KANK4: variants seen among roughly 807,000 people sequenced by gnomAD.
KANK4 encodes KN motif and ankyrin repeat domains 4, also known as KN motif and ankyrin repeat domain-containing protein 4.
A neutral mutation model predicts 80.8 loss-of-function variants in KANK4; 50 were observed. The observed-to-expected ratio is 0.62, with a 90% CI of 0.49 to 0.78. KANK4 has a LOEUF of 0.78. KANK4 is among the 30% of genes least tolerant of loss of function. The pLI is 0.00. For missense variants in KANK4, 1,196 were observed against 1,240.1 expected (o/e 0.96, Z 0.53); for synonymous variants, 465 against 506.9 (o/e 0.92, Z 1.11).
At chr1:62,285,606 T>G (rs1349299045) in intron 1 of KANK4, among the ~76,000 whole-genome samples, 1 of 152,124 alleles carries the variant, frequency 6.6e-6, no homozygotes, top group Non-Finnish European at 1.5e-5. Flanking sequence ...CATGCCAAAA[T>G]AAATAGCACC....
At chr1:62,240,677 A>T (rs1557463445) in intron 9 of KANK4, among the ~76,000 whole-genome samples, 1 of 152,136 alleles carries the variant, frequency 6.6e-6, no homozygotes, top group East Asian at 1.9e-4. Context: ...CTCAAAAAAT[A>T]AATTAATTAA....
chr1:62,237,972 G>T lies in KANK4; in HGVS notation c.*305C>A. The T allele has an allele frequency of 3.4e-6, 1 of 295,528 alleles. No individual in the cohort carries two copies. Among genetic ancestry groups the T allele is most frequent in the Non-Finnish European group, 6.4e-6 (1 of 156,686 alleles). The allele number at this position is 295,528 out of a possible 1,614,324, so 18.3% of individuals were successfully genotyped here. A position where few individuals can be genotyped will look rare whatever the true frequency, so the allele number is the denominator to read the frequency against. ...CCTGCTTGCTACACAATGTTACAGA[G>T]GGTAGAGTCATGAGGAATTCAAGGC... On this transcript the variant is annotated 3_prime_UTR_variant, in exon 10 of 10. Transcript: ENST00000371153.
rs750855213 is a variant in KANK4, at chr1:62,274,811, T to A, written c.293A>T (p.Glu98Val). 4.0e-5 allele frequency: 64 copies of A among 1,613,778 alleles called. No homozygotes were observed. The highest frequency in any genetic ancestry group is 5.1e-5 in the Non-Finnish European group (60 of 1,179,966). Residue 98 changes from glutamate (E) to valine (V), a missense_variant, in exon 3 of 10, where the codon GAG becomes GTG. Coordinates refer to ENST00000371153, the MANE Select transcript of KANK4 (RefSeq NM_181712.5). ...TTGCTCCTGTGTCCCAAGTGATGCC[T>A]CCCTTGGCACCACGGGAGACCAGTT... The part of the protein sequence containing the change: ...LQNWSPVVPR[E>V]ASLGTQEQNQ...
chr1:62,250,519 C>A (rs997784688), intron 8 of KANK4, among the ~76,000 whole-genome samples: 2 of 152,180 alleles, frequency 1.3e-5, no homozygotes, highest in African/African-American at 4.8e-5. Context: ...TAACCTGGTA[C>A]CTCTGCTCTC....
intron 9 of KANK4, among the ~76,000 whole-genome samples, chr1:62,246,343 C>T (rs1383685335): frequency 6.6e-6 from 1 of 152,166 alleles, no homozygotes; most frequent in Non-Finnish European, 1.5e-5. Flanking sequence ...GAGGCACTTT[C>T]AGTTAAGTGA....
rs555716356 is a variant in KANK4 at position 62,305,170 on chromosome 1, C to G, written c.-71+13936G>C. On this transcript the variant is annotated intron_variant, in intron 1 of 9. Coordinates refer to ENST00000371153, the MANE Select transcript of KANK4 (RefSeq NM_181712.5). ...ACCTCCATCTCCCCAAGAGCCAGCA[C>G]AGGCCAAAGCCTTCCTATCAGAGAA... 7.9e-5 allele frequency among the ~76,000 whole-genome samples: 12 copies of G among 152,348 alleles called. No homozygotes were observed. The South Asian group carries it at 2.5e-3, about 32-fold the overall frequency.
chr1:62,236,718 C>G lies in KANK4; in HGVS notation c.*1559G>C, dbSNP rs1671209710. 6.6e-6 allele frequency among the ~76,000 whole-genome samples: 1 copy of G among 151,706 alleles called. No homozygotes were observed. The highest frequency in any genetic ancestry group is 1.5e-5 in the Non-Finnish European group (1 of 67,962). On this transcript the variant is annotated 3_prime_UTR_variant, in exon 10 of 10. Coordinates refer to ENST00000371153, the MANE Select transcript of KANK4 (RefSeq NM_181712.5). ...CAAGTGAGTCTCCTGCCTCAGCCTC[C>G]CAAGTAGCTGGAATTACAGGCGCCT...
At chr1:62,243,894 T>C (rs1202009248) in intron 9 of KANK4, among the ~76,000 whole-genome samples, 1 of 152,192 alleles carries the variant, frequency 6.6e-6, no homozygotes, top group Non-Finnish European at 1.5e-5. Context: ...TCAAGACCTT[T>C]GTTCTCCCTG....
At position 62,262,742 on chromosome 1, in the gene KANK4, C is replaced by T. The variant is rs556466082; in HGVS notation, c.2539+350G>A. 5.3e-5 allele frequency among the ~76,000 whole-genome samples: 8 copies of T among 152,240 alleles called. No individual in the cohort carries two copies. The East Asian group carries it at 1.5e-3, about 29-fold the overall frequency. ...TTGGATGGAACTGGAGGCCATTATT[C>T]TAAGTGAAGTAACTCAAGAACGGAA... On this transcript the variant is annotated intron_variant, in intron 7 of 9. Coordinates refer to ENST00000371153, the MANE Select transcript of KANK4 (RefSeq NM_181712.5).
chr1:62,264,515 T>C (rs926828722), intron 6 of KANK4, among the ~76,000 whole-genome samples: 1 of 152,198 alleles, frequency 6.6e-6, no homozygotes, highest in South Asian at 2.1e-4. Context: ...TGTTATAAAA[T>C]AGGAGTAAAA....
intron 6 of KANK4, 134 bp from the exon 7 acceptor site, chr1:62,263,445 G>T (rs928987747): frequency 1.4e-6 from 1 of 724,696 alleles, no homozygotes. Flanking sequence ...TTCCTGAAGG[G>T]CTCAGAGCTG....
chr1:62,239,643 C>G (rs1023238066), intron 9 of KANK4, among the ~76,000 whole-genome samples: 1 of 151,876 alleles, frequency 6.6e-6, no homozygotes, highest in African/African-American at 2.4e-5. Flanking sequence ...TAGGTATATC[C>G]CCTAATGCTA....
chr1:62,238,444 A>G, intron 9 of KANK4, 63 bp from the exon 10 acceptor site: 1 of 1,463,564 alleles, frequency 6.8e-7, no homozygotes, highest in Non-Finnish European at 9.5e-7. Context: ...CTGGGGGAGA[A>G]GGGCAAGTTG....
chr1:62,276,603 C>T (rs1672320380), intron 2 of KANK4, among the ~76,000 whole-genome samples: 1 of 152,104 alleles, frequency 6.6e-6, no homozygotes, highest in East Asian at 1.9e-4. Context: ...CGGTGAAACC[C>T]CATCTCTACT....
intron 1 of KANK4, among the ~76,000 whole-genome samples, chr1:62,296,198 C>T (rs1644362086): frequency 6.6e-6 from 1 of 152,234 alleles, no homozygotes; most frequent in Non-Finnish European, 1.5e-5. Context: ...TAAATTTTTT[C>T]TTTCCCATCT....
In KANK4 at chr1:62,274,180, G is replaced by C; in HGVS notation, c.924C>G (p.Ser308Arg). The C allele has an allele frequency of 6.2e-7, 1 of 1,614,142 alleles. No homozygotes were observed. The highest frequency in any genetic ancestry group is 8.5e-7 in the Non-Finnish European group (1 of 1,180,028). The stretch of plus-strand genomic sequence containing the variant: ...CTACAGGTGGCGGGGGTGGAATCTC[G>C]CTGATGTTGAGCTCGATTTCTTCCA... ...LLLEEIELNI[S>R]EIPPPPPVEV... Residue 308 changes from serine (S) to arginine (R), a missense_variant, in exon 3 of 10, where the codon AGC (serine) becomes AGG (arginine). Ser to Arg is a moderately radical substitution (Grantham distance 110). Around this residue, in one of 3 missense-constraint regions of KANK4, gnomAD observed 1,154 missense variants for 1,179.6 expected, o/e 0.98. Coordinates refer to ENST00000371153, the MANE Select transcript of KANK4 (RefSeq NM_181712.5).
intron 1 of KANK4, chr1:62,298,387 T>C (rs1048597225): frequency 2.0e-5 from 3 of 152,236 alleles, no homozygotes; most frequent in Non-Finnish European, 4.4e-5. Context: ...AACTGTAGTA[T>C]GCCTATAAAC....
intron 7 of KANK4, among the ~76,000 whole-genome samples, chr1:62,261,152 C>CTTT (rs11322195): frequency 6.3e-4 from 43 of 68,366 alleles, no homozygotes; most frequent in African/African-American, 1.4e-3. Flanking sequence ...CTCCCAATGG[C>CTTT]TTTTTTTTTT....
chr1:62,309,542 C>T (rs930806807), intron 1 of KANK4, among the ~76,000 whole-genome samples: 2 of 152,126 alleles, frequency 1.3e-5, no homozygotes, highest in Non-Finnish European at 2.9e-5. Flanking sequence ...AAAAAGAAAC[C>T]TTCAACTGAA....
Sources: gnomAD v4.1 joint callset for allele counts (sites outside exome capture counted in the v4.1 genomes callset) on GRCh38, gnomAD v4.1.1 for gene constraint, gnomAD v4.1.1 regional missense constraint, MANE v1.5 for transcripts, NCBI Gene and HGNC (gene_info 2026-07-23, HGNC 2026-07-21) for gene names.